The following CCDC88C variants were observed in gnomAD, a reference collection of about 807,000 sequenced individuals.
The protein encoded by CCDC88C is protein Daple.
Under a neutral mutation model 198.8 loss-of-function variants are expected in CCDC88C, and 131 were observed. The observed-to-expected ratio is 0.66, with a 90% CI of 0.57 to 0.76. The LOEUF is 0.76. Among genes scored for constraint, CCDC88C ranks in the 30% least tolerant of loss-of-function variants. The pLI, the probability that CCDC88C is intolerant of heterozygous loss-of-function variation, is 0.00. For synonymous variants in CCDC88C, 1,166 were observed against 1,114.7 expected, an observed-to-expected ratio of 1.05 and a Z score of -0.92; for missense variants, 2,553 against 2,631.6, an observed-to-expected ratio of 0.97 and a Z score of 0.65.
Position 91,294,146 on chromosome 14 carries a change from A to C in CCDC88C, c.4112+27T>G, listed in dbSNP as rs112850745. ...ATGTGCAGCTGTGGTGAGGGTGCGG[A>C]GAGGGGTTCAGGGACTCCCTGCTTA... On this transcript the variant is annotated intron_variant, in intron 23 of 29. Transcript: ENST00000389857. The C allele has an allele frequency of 2.9e-3, 4,703 of 1,612,336 alleles. 119 individuals carry two copies. The African/African-American group carries it at 0.055, about 19-fold the overall frequency.
In CCDC88C at chr14:91,272,781, A is replaced by C. The variant is rs1396952210; in HGVS notation, c.5931T>G (p.Leu1977=). ...GAGACCGACCTGGGCTCTTGGCCGG[A>C]AGCCCCTCACTGCAGCCCTGCCCCG... ...GVPGQGCSEG[L]PAKSPGRSPD... The change falls in exon 30 of 30, where the codon CTT becomes CTG. Residue 1977 remains leucine, a synonymous_variant. Coordinates refer to ENST00000389857, the MANE Select transcript of CCDC88C (RefSeq NM_001080414.4). 6.2e-7 allele frequency: 1 copy of C among 1,606,086 alleles called. No individual in the cohort carries two copies. The highest frequency in any genetic ancestry group is 8.5e-7 in the Non-Finnish European group (1 of 1,177,568).
In CCDC88C at chr14:91,338,682, TGGGCGGTG is replaced by T; in HGVS notation, c.810-120_810-113del. 2 of 780,724 alleles carry T rather than the reference TGGGCGGTG, an allele frequency of 2.6e-6. No individual in the cohort carries two copies. Among genetic ancestry groups the T allele is most frequent in the South Asian group, 3.0e-5 (2 of 65,590 alleles). The allele number at this position is 780,724 out of a possible 1,614,324, so 48.4% of individuals were successfully genotyped here. On this transcript the variant is annotated intron_variant, in intron 8 of 29. Transcript: ENST00000389857. This position sits in a 1 kb window ranked among gnomAD's most constrained non-coding sequence, Gnocchi z 4.8. ...TGGGAAAAGGAAAGGACTCGGGATT[TGGGCGGTG>T]GGGAGGCGATCTGCTTATGGGGCCT...
chr14:91,403,730 G>A (rs960556325), intron 3 of CCDC88C, among the ~76,000 whole-genome samples: 2 of 152,216 alleles, frequency 1.3e-5, no homozygotes, highest in African/African-American at 4.8e-5. Flanking sequence ...CCAAGTTTGA[G>A]ACCAGCCTGG....
At chr14:91,335,685 T>G (rs961685991) in intron 10 of CCDC88C, among the ~76,000 whole-genome samples, 1 of 152,194 alleles carries the variant, frequency 6.6e-6, no homozygotes, top group Non-Finnish European at 1.5e-5. Flanking sequence ...ACTATATCCA[T>G]GCTGCTCAAT....
At chr14:91,311,003 G>A (rs1484220664) in intron 15 of CCDC88C, among the ~76,000 whole-genome samples, 1 of 152,202 alleles carries the variant, frequency 6.6e-6, no homozygotes, top group East Asian at 1.9e-4. Context: ...TGATGTGGGT[G>A]ACTCCCTGAC....
intron 21 of CCDC88C, 33 bp downstream of exon 21, chr14:91,299,891 GTGC>G: frequency 6.5e-7 from 1 of 1,549,902 alleles, no homozygotes; most frequent in Non-Finnish European, 8.7e-7. Context: ...AGAATCTGGG[GTGC>G]TGCTATGTGC....
Position 91,299,953 on chromosome 14 carries a change from G to A in CCDC88C, c.3753C>T (p.Asn1251=). Residue 1251 remains asparagine (N), a synonymous_variant, in exon 21 of 30, where the codon AAC becomes AAT. Transcript: ENST00000389857. ...TGTCCAGCTCGCCCCGCAGCCTCTG[G>A]TTCTCGCCCATGGCGAGGGCGTTTG... ...QRTNALAMGE[N]QRLRGELDRV... is the part of the protein sequence containing the mutation. 6.3e-7 allele frequency: 1 copy of A among 1,591,740 alleles called. No individual in the cohort carries two copies. Among genetic ancestry groups the A allele is most frequent in the Non-Finnish European group, 8.5e-7 (1 of 1,171,360 alleles).
intron 26 of CCDC88C, among the ~76,000 whole-genome samples, chr14:91,283,035 C>T (rs539401812): frequency 1.3e-5 from 2 of 152,366 alleles, no homozygotes; most frequent in African/African-American, 4.8e-5. Flanking sequence ...GTTCTCAGCC[C>T]ACCTTCACCT....
chr14:91,343,462 G>C, intron 5 of CCDC88C, 137 bp downstream of exon 5: 1 of 1,441,050 alleles, frequency 6.9e-7, no homozygotes, highest in Non-Finnish European at 9.1e-7. Flanking sequence ...CTCTCTTCCA[G>C]GAACCCAGCG....
chr14:91,392,991 G>T (rs968813294), intron 3 of CCDC88C, among the ~76,000 whole-genome samples: 1 of 152,214 alleles, frequency 6.6e-6, no homozygotes, highest in Admixed American at 6.5e-5. Context: ...GCTGGGGAAG[G>T]AGAAACTGCA....
chr14:91,343,924 G>A (rs528824852), intron 4 of CCDC88C, among the ~76,000 whole-genome samples: 1 of 152,184 alleles, frequency 6.6e-6, no homozygotes, highest in Admixed American at 6.5e-5. Flanking sequence ...AGGCTCAAGC[G>A]ATCCTCTCAC....
rs1483100490 is a variant in CCDC88C, at chr14:91,325,590, T to C, written c.1197+320A>G. 6.6e-6 allele frequency among the ~76,000 whole-genome samples: 1 copy of C among 152,166 alleles called. No homozygotes were observed. Among genetic ancestry groups the C allele is most frequent in the Non-Finnish European group, 1.5e-5 (1 of 68,022 alleles). ...CGGTTTTCTTTTCTTTCTTTCTTTTTTTCTGAGACAAGGTCTTGCTCTATC... is the reference window on the plus strand; with the variant it reads ...CGGTTTTCTTTTCTTTCTTTCTTTTCTTCTGAGACAAGGTCTTGCTCTATC... On this transcript the variant is annotated intron_variant, in intron 11 of 29. Coordinates refer to ENST00000389857, the MANE Select transcript of CCDC88C (RefSeq NM_001080414.4). This position sits in a 1 kb window ranked among gnomAD's most constrained non-coding sequence, Gnocchi z 4.1.
chr14:91,384,641 G>C (rs1161112371), intron 3 of CCDC88C: 1 of 389,196 alleles, frequency 2.6e-6, no homozygotes, highest in Non-Finnish European at 5.1e-6. Context: ...CGGGAGGAAA[G>C]GGTGGCCAGC....
chr14:91,310,084 G>A, intron 15 of CCDC88C, 98 bp from the exon 16 acceptor site: 1 of 1,286,150 alleles, frequency 7.8e-7, no homozygotes, highest in Non-Finnish European at 1.0e-6. Context: ...TGTCCTCCCG[G>A]GCCACGGCTG....
intron 11 of CCDC88C, 31 bp from the exon 12 acceptor site, chr14:91,324,954 G>A (rs779545729): frequency 1.2e-6 from 2 of 1,612,134 alleles, no homozygotes; most frequent in Non-Finnish European, 1.7e-6. Context: ...CAAGAAGTGA[G>A]GCTGCACAGC....
chr14:91,303,612 TC>T (rs1407740878), intron 20 of CCDC88C, 88 bp downstream of exon 20: 9 of 1,113,042 alleles, frequency 8.1e-6, no homozygotes, highest in Non-Finnish European at 1.1e-5. Flanking sequence ...GTCCCACCCA[TC>T]TACCCCAGGC....
chr14:91,383,257 G>A (rs1488292346), intron 3 of CCDC88C, among the ~76,000 whole-genome samples: 2 of 152,220 alleles, frequency 1.3e-5, no homozygotes, highest in African/African-American at 4.8e-5. Flanking sequence ...AGGGCAATCC[G>A]TTCCACAGAA....
intron 3 of CCDC88C, among the ~76,000 whole-genome samples, chr14:91,369,219 T>A (rs1463477933): frequency 6.6e-6 from 1 of 152,144 alleles, no homozygotes; most frequent in Non-Finnish European, 1.5e-5. Context: ...CGACACAGCC[T>A]GTGGCCCAAC....
chr14:91,346,515 CCAAGATACT>C (rs1893551365), intron 4 of CCDC88C, among the ~76,000 whole-genome samples: 2 of 151,948 alleles, frequency 1.3e-5, no homozygotes, highest in African/African-American at 4.8e-5. Flanking sequence ...TTTATTTGGC[CCAAGATACT>C]CTAATCCATA....
Sources: allele counts gnomAD v4.1 joint callset (sites outside exome capture counted in the v4.1 genomes callset), GRCh38; gene constraint gnomAD v4.1.1; non-coding constraint Gnocchi (gnomAD v3.1); transcripts MANE v1.5; gene names NCBI Gene and HGNC (gene_info 2026-07-23, HGNC 2026-07-21).